The following LTBP1 variants were observed in gnomAD, a reference collection of about 807,000 sequenced individuals.
LTBP1 encodes the protein latent-transforming growth factor beta-binding protein 1.
A neutral mutation model predicts 207.6 loss-of-function variants in LTBP1; 129 were observed. The observed-to-expected ratio is 0.62, with a 90% confidence interval of 0.54 to 0.72. The LOEUF is 0.72. Among genes scored for constraint, LTBP1 ranks in the 30% least tolerant of loss-of-function variants. The pLI, the probability that LTBP1 is intolerant of heterozygous loss-of-function variation, is 0.00. For synonymous variants in LTBP1, 963 were observed against 833.7 expected (o/e 1.16, Z -2.67); for missense variants, 2,281 against 2,217.2 (o/e 1.03, Z -0.58).
chr2:33,268,081 A>G (rs1336946020), intron 15 of LTBP1, among the ~76,000 whole-genome samples: 3 of 152,256 alleles, frequency 2.0e-5, no homozygotes, highest in East Asian at 1.9e-4. Context: ...GAAAGAATCC[A>G]TAGGGGGAAC....
intron 5 of LTBP1, among the ~76,000 whole-genome samples, chr2:33,139,762 C>A (rs12475046): frequency 6.6e-6 from 1 of 152,098 alleles, no homozygotes; most frequent in Admixed American, 6.6e-5. Flanking sequence ...AGAATTTACC[C>A]CCCTAGAATT....
intron 3 of LTBP1, among the ~76,000 whole-genome samples, chr2:33,075,728 G>C (rs546329270): frequency 3.3e-5 from 5 of 152,088 alleles, no homozygotes; most frequent in Admixed American, 6.6e-5. Context: ...TTTGTCAATG[G>C]GGGTTATTAA....
chr2:32,977,786 CCT>C (rs2148674274), intron 2 of LTBP1, among the ~76,000 whole-genome samples: 1 of 152,288 alleles, frequency 6.6e-6, no homozygotes, highest in African/African-American at 2.4e-5. Context: ...CAGCTTCACT[CCT>C]CTTTGCTCTC....
At chr2:33,283,155 A>G (rs1250579472) in intron 19 of LTBP1, among the ~76,000 whole-genome samples, 1 of 151,944 alleles carries the variant, frequency 6.6e-6, no homozygotes, top group Non-Finnish European at 1.5e-5. Context: ...TCGTGCTTAC[A>G]AATAAACACA....
chr2:33,027,190 T>C (rs1439949396), intron 3 of LTBP1, among the ~76,000 whole-genome samples: 1 of 152,236 alleles, frequency 6.6e-6, no homozygotes, highest in Non-Finnish European at 1.5e-5. Context: ...TTTTTTCAAT[T>C]TTTGGCTCTT....
chr2:33,243,530 A>T, intron 9 of LTBP1, 132 bp from the exon 10 acceptor site: 1 of 721,388 alleles, frequency 1.4e-6, no homozygotes, highest in Non-Finnish European at 2.2e-6. Flanking sequence ...AAGATTATTC[A>T]CACCTGCTAC....
Position 33,126,064 on chromosome 2 carries a change from G to A in LTBP1, c.1034-8729G>A, listed in dbSNP as rs1274539037. On this transcript the variant is annotated intron_variant, in intron 4 of 33. Transcript: ENST00000404816. ...ATGTGACTGTTGGCAGGAGATTTCAGTTCTTTGCCCCATGAGTGAGTGTCT... is the reference window on the plus strand; with the variant it reads ...ATGTGACTGTTGGCAGGAGATTTCAATTCTTTGCCCCATGAGTGAGTGTCT... 3.3e-5 allele frequency among the ~76,000 whole-genome samples: 5 copies of A among 152,070 alleles called. No homozygotes were observed. In the East Asian group the frequency reaches 7.7e-4, roughly 23 times the overall value.
intron 9 of LTBP1, among the ~76,000 whole-genome samples, chr2:33,228,047 C>T (rs1475499388): frequency 2.0e-5 from 3 of 151,752 alleles, no homozygotes; most frequent in Non-Finnish European, 2.9e-5. Context: ...CCTCGTGATC[C>T]GCCCGCCTCG....
intron 19 of LTBP1, among the ~76,000 whole-genome samples, chr2:33,284,690 C>G (rs1375299685): frequency 6.6e-6 from 1 of 152,150 alleles, no homozygotes; most frequent in African/African-American, 2.4e-5. Context: ...AGAGCCATCC[C>G]CCAAGGAAAC....
At chr2:33,207,401 G>T (rs2089966007) in intron 7 of LTBP1, among the ~76,000 whole-genome samples, 1 of 152,074 alleles carries the variant, frequency 6.6e-6, no homozygotes, top group South Asian at 2.1e-4. Context: ...TAGATACTTT[G>T]TAAAATCAAT....
Position 33,398,557 on chromosome 2 carries a change from C to T in LTBP1, c.*12C>T, listed in dbSNP as rs2095380721. 1 of 1,611,974 alleles carries T rather than the reference C, an allele frequency of 6.2e-7. No homozygotes were observed. The highest frequency in any genetic ancestry group is 8.5e-7 in the Non-Finnish European group (1 of 1,178,876). ...GTGACCTGGAGTGAAACAGAATCTA[C>T]ATAACCTAAGCCCATATACTCTGCA... is the stretch of plus-strand genomic sequence containing the variant. On this transcript the variant is annotated 3_prime_UTR_variant, in exon 34 of 34. Coordinates refer to ENST00000404816, the MANE Select transcript of LTBP1 (RefSeq NM_206943.4).
chr2:32,952,919 A>G (rs1304180089), intron 2 of LTBP1, among the ~76,000 whole-genome samples: 1 of 152,142 alleles, frequency 6.6e-6, no homozygotes, highest in African/African-American at 2.4e-5. Flanking sequence ...CCTTCCATAC[A>G]CGCATGGATG....
At chr2:33,330,046 G>T (rs535861890) in intron 24 of LTBP1, among the ~76,000 whole-genome samples, 2 of 152,068 alleles carry the variant, frequency 1.3e-5, no homozygotes, top group East Asian at 3.9e-4. Flanking sequence ...TCCTTCATTT[G>T]TCTTAGTGTT....
In LTBP1 at chr2:32,960,102, A is replaced by T. The variant is rs113947568; in HGVS notation, c.565+11157A>T. On this transcript the variant is annotated intron_variant, in intron 2 of 33. Coordinates refer to ENST00000404816, the MANE Select transcript of LTBP1 (RefSeq NM_206943.4). ...ATAAATCATTTACTACAATGATTCA[A>T]GGGTGAGGATACTCCTGCCTCTTCA... Among the ~76,000 whole-genome samples, 1,352 of 152,302 alleles carry T rather than the reference A, an allele frequency of 8.9e-3. 14 individuals carry two copies. Among genetic ancestry groups the T allele is most frequent in the Non-Finnish European group, 0.014 (931 of 68,032 alleles).
intron 9 of LTBP1, among the ~76,000 whole-genome samples, chr2:33,224,544 G>A (rs1007795588): frequency 2.0e-5 from 3 of 152,134 alleles, no homozygotes; most frequent in African/African-American, 4.8e-5. Context: ...GTAATTCACA[G>A]GAGAAGACAT....
chr2:33,175,836 T>G (rs1468929720), intron 5 of LTBP1, among the ~76,000 whole-genome samples: 1 of 149,226 alleles, frequency 6.7e-6, no homozygotes, highest in Non-Finnish European at 1.5e-5. Context: ...AAAAAAATGA[T>G]GAGTTCATGT....
intron 5 of LTBP1, among the ~76,000 whole-genome samples, chr2:33,158,844 C>T (rs536010072): frequency 6.6e-5 from 10 of 152,266 alleles, no homozygotes; most frequent in African/African-American, 1.9e-4. Context: ...TAGCAGTATA[C>T]GTACATGTTA....
At chr2:33,341,908 A>G (rs1456380516) in intron 24 of LTBP1, among the ~76,000 whole-genome samples, 2 of 151,982 alleles carry the variant, frequency 1.3e-5, no homozygotes, top group South Asian at 2.1e-4. Context: ...TTCTTCACAT[A>G]TATTTGGATG....
rs139555341 is a variant in LTBP1, at chr2:33,257,661, G to A, written c.2395+150G>A. 95 of 644,234 alleles carry A rather than the reference G, an allele frequency of 1.5e-4. No homozygotes were observed. In the African/African-American group the frequency reaches 1.7e-3, roughly 11 times the overall value. The allele number at this position is 644,234 out of a possible 1,614,324, so 39.9% of individuals were successfully genotyped here. A position where few individuals can be genotyped will look rare whatever the true frequency, so the allele number is the denominator to read the frequency against. ...GAATTATTTGATTGGGGGCTGCCCTGTGTATTGTAAAATGTTTAGCCACTG... is the reference window on the plus strand; with the variant it reads ...GAATTATTTGATTGGGGGCTGCCCTATGTATTGTAAAATGTTTAGCCACTG... On this transcript the variant is annotated intron_variant, in intron 12 of 33. Coordinates refer to ENST00000404816, the MANE Select transcript of LTBP1 (RefSeq NM_206943.4).
Sources: allele counts gnomAD v4.1 joint callset (sites outside exome capture counted in the v4.1 genomes callset), GRCh38; gene constraint gnomAD v4.1.1; transcripts MANE v1.5; gene names NCBI Gene and HGNC (gene_info 2026-07-23, HGNC 2026-07-21).